The following MMAA variants were observed in gnomAD, a reference collection of about 807,000 sequenced individuals.
The protein encoded by MMAA is metabolism of cobalamin associated A.
In MMAA, 41 loss-of-function variants were observed where a neutral mutation model predicts 45.0. The ratio of observed to expected loss-of-function variants is 0.91; its 90% CI spans 0.71 to 1.18. The LOEUF is 1.18. Ranked by LOEUF, MMAA falls within the 50% of genes most tolerant of loss-of-function variation. MMAA has a pLI of 0.00. For missense variants in MMAA, 460 were observed against 495.7 expected (o/e 0.93, Z 0.68); for synonymous variants, 154 against 178.2 (o/e 0.86, Z 1.08).
At chr4:145,635,290 T>C (rs919851711) in intron 1 of MMAA, among the ~76,000 whole-genome samples, 1 of 152,102 alleles carries the variant, frequency 6.6e-6, no homozygotes, top group Non-Finnish European at 1.5e-5. Flanking sequence ...GCTGGTTTAG[T>C]GGTTAATAGT....
intron 3 of MMAA, among the ~76,000 whole-genome samples, chr4:145,644,125 CT>C (rs1420541809): frequency 6.6e-6 from 1 of 152,134 alleles, no homozygotes; most frequent in African/African-American, 2.4e-5. Context: ...CACAGACCCC[CT>C]GTGATAGCTT....
intron 3 of MMAA, among the ~76,000 whole-genome samples, chr4:145,645,665 A>G (rs1727910274): frequency 6.6e-6 from 1 of 152,206 alleles, no homozygotes; most frequent in Non-Finnish European, 1.5e-5. Flanking sequence ...TTAAGATGAC[A>G]GTAAAGTAAC....
intron 1 of MMAA, among the ~76,000 whole-genome samples, chr4:145,636,757 C>A (rs2126615258): frequency 6.6e-6 from 1 of 152,272 alleles, no homozygotes; most frequent in African/African-American, 2.4e-5. Context: ...TTGTCTGTGC[C>A]CATGGCACTT....
chr4:145,652,150 G>A (rs1423496802), intron 5 of MMAA, among the ~76,000 whole-genome samples: 1 of 152,146 alleles, frequency 6.6e-6, no homozygotes, highest in Non-Finnish European at 1.5e-5. Context: ...AGAAGCCTGG[G>A]AGGGCCGAAA....
chr4:145,627,499 A>C lies in MMAA; in HGVS notation c.-66+8092A>C, dbSNP rs1348787497. On this transcript the variant is annotated intron_variant, in intron 1 of 6. Transcript: ENST00000649156. Reference sequence around the variant, plus strand: ...ATTGGAAGGTTACTGTGTGCCAGGCACTGTGATAGTTTCTGAGGAAATATG... The same window carrying C: ...ATTGGAAGGTTACTGTGTGCCAGGCCCTGTGATAGTTTCTGAGGAAATATG... Among the ~76,000 whole-genome samples, 4 of 152,348 alleles carry C rather than the reference A, an allele frequency of 2.6e-5. No homozygotes were observed. In the East Asian group the frequency reaches 7.7e-4, roughly 29 times the overall value.
intron 4 of MMAA, among the ~76,000 whole-genome samples, chr4:145,648,526 A>C (rs756640055): frequency 6.6e-6 from 1 of 152,196 alleles, no homozygotes; most frequent in Non-Finnish European, 1.5e-5. Context: ...AAACTCCACC[A>C]TTAAAAAGTA....
intron 1 of MMAA, among the ~76,000 whole-genome samples, chr4:145,626,284 A>T (rs555363189): frequency 1.3e-5 from 2 of 152,372 alleles, no homozygotes; most frequent in Admixed American, 1.3e-4. Context: ...CTGTGACAGT[A>T]TATAAAGGTA....
chr4:145,657,789 T>C lies in MMAA; in HGVS notation c.*2355T>C, dbSNP rs1027044921. ...CTATTAAATGGGGATGACAATAGTG[T>C]CCACCTAGAGCAGGACTATTTTAGT... On this transcript the variant is annotated 3_prime_UTR_variant, in exon 7 of 7. Coordinates refer to ENST00000649156, the MANE Select transcript of MMAA (RefSeq NM_172250.3). 1 of 152,196 alleles carries C rather than the reference T, an allele frequency of 6.6e-6. No individual in the cohort carries two copies. Among genetic ancestry groups the C allele is most frequent in the Non-Finnish European group, 1.5e-5 (1 of 68,030 alleles). The allele number at this position is 152,196 out of a possible 1,614,324, so 9.4% of individuals were successfully genotyped here.
chr4:145,624,463 T>A (rs1734155154), intron 1 of MMAA: 1 of 850,356 alleles, frequency 1.2e-6, no homozygotes, highest in Admixed American at 2.1e-5. Context: ...TTGTCTTCAG[T>A]ATTAGGCCCT....
chr4:145,633,202 T>C (rs180969763), intron 1 of MMAA, among the ~76,000 whole-genome samples: 25 of 143,108 alleles, frequency 1.7e-4, no homozygotes, highest in East Asian at 3.9e-4. Flanking sequence ...TTTTCTTTTT[T>C]TTTTTTTTTT....
At chr4:145,645,837 G>A (rs1046022755) in intron 3 of MMAA, 149 bp from the exon 4 acceptor site, 9 of 702,072 alleles carry the variant, frequency 1.3e-5, no homozygotes, top group Non-Finnish European at 2.2e-5. Flanking sequence ...TGACATCATT[G>A]TATACAATGA....
chr4:145,624,668 C>T (rs1734163199), intron 1 of MMAA: 1 of 1,468,902 alleles, frequency 6.8e-7, no homozygotes, highest in Non-Finnish European at 9.4e-7. Flanking sequence ...CTTTATGTTT[C>T]TCAGGCTCAG....
chr4:145,654,282 G>T, intron 6 of MMAA, 139 bp downstream of exon 6: 1 of 1,028,102 alleles, frequency 9.7e-7, no homozygotes, highest in Non-Finnish European at 1.5e-6. Flanking sequence ...TGACAAAGAC[G>T]GAGTGTGTAG....
At chr4:145,646,439 A>G in intron 4 of MMAA, 1 of 373,106 alleles carries the variant, frequency 2.7e-6, no homozygotes, top group South Asian at 2.9e-5. Context: ...TGATCTGTGT[A>G]AATGATGCTT....
chr4:145,651,889 A>G (rs975340267), intron 5 of MMAA, among the ~76,000 whole-genome samples: 2 of 152,196 alleles, frequency 1.3e-5, no homozygotes, highest in African/African-American at 4.8e-5. Context: ...GATGCCTAGC[A>G]TGCATAGTTG....
chr4:145,657,207 T>A lies in MMAA; in HGVS notation c.*1773T>A, dbSNP rs1331455087. 1 of 152,256 alleles carries A rather than the reference T, an allele frequency of 6.6e-6. No homozygotes were observed. Among genetic ancestry groups the A allele is most frequent in the African/African-American group, 2.4e-5 (1 of 41,480 alleles). The allele number at this position is 152,256 out of a possible 1,614,324, so 9.4% of individuals were successfully genotyped here. Reference sequence around the variant, plus strand: ...AAAAGCATTTCTTCTCAGTTTGAACTACTTTTAAATGTTATAAATGTCATC... The same window carrying A: ...AAAAGCATTTCTTCTCAGTTTGAACAACTTTTAAATGTTATAAATGTCATC... On this transcript the variant is annotated 3_prime_UTR_variant, in exon 7 of 7. Transcript: ENST00000649156.
chr4:145,642,633 C>G (rs1295328244), intron 3 of MMAA, 148 bp downstream of exon 3: 2 of 1,130,090 alleles, frequency 1.8e-6, no homozygotes, highest in East Asian at 2.4e-5. Flanking sequence ...TAGGTGGAAG[C>G]TGAGAGAAGT....
At chr4:145,619,449 G>C (rs1734041320) in intron 1 of MMAA, 42 bp downstream of exon 1, 1 of 152,254 alleles carries the variant, frequency 6.6e-6, no homozygotes, top group African/African-American at 2.4e-5. Context: ...AGTCGGGACT[G>C]GGCTCCCGCC....
At chr4:145,642,577 TGC>T in intron 3 of MMAA, 92 bp downstream of exon 3, 1 of 1,560,072 alleles carries the variant, frequency 6.4e-7, no homozygotes, top group South Asian at 1.1e-5. Flanking sequence ...GACCTCTAAC[TGC>T]TAGCTAAGTT....
Sources: gnomAD v4.1 joint callset for allele counts (sites outside exome capture counted in the v4.1 genomes callset) on GRCh38, gnomAD v4.1.1 for gene constraint, MANE v1.5 for transcripts, NCBI Gene and HGNC (gene_info 2026-07-23, HGNC 2026-07-21) for gene names.